NOL10: variants seen among roughly 807,000 people sequenced by gnomAD.
The protein encoded by NOL10 is nucleolar protein 10.
In NOL10, 58 loss-of-function variants were observed where a neutral mutation model predicts 103.5. The observed-to-expected ratio is 0.56, with a 90% CI of 0.45 to 0.70. The LOEUF is 0.70. Among genes scored for constraint, NOL10 ranks in the 30% least tolerant of loss-of-function variants. The pLI is 0.00. For synonymous variants in NOL10, 287 were observed against 282.5 expected, an observed-to-expected ratio of 1.02 and a Z score of -0.16; for missense variants, 763 against 807.3, an observed-to-expected ratio of 0.95 and a Z score of 0.67.
Position 10,689,942 on chromosome 2 carries a change from C to G in NOL10, c.-81G>C, listed in dbSNP as rs554916017. On this transcript the variant is annotated 5_prime_UTR_variant, in exon 1 of 21. Coordinates refer to ENST00000381685, the MANE Select transcript of NOL10 (RefSeq NM_024894.4). ...ACCGTAATCCCGGGACCTCCGAGCC[C>G]CTGCTCCGCGGCGTGCGGCCGCTGG... 2.9e-6 allele frequency: 4 copies of G among 1,369,810 alleles called. No individual in the cohort carries two copies. Among genetic ancestry groups the G allele is most frequent in the Admixed American group, 2.1e-5 (1 of 48,424 alleles). 84.9% of individuals were successfully genotyped at this position (1,369,810 alleles called of 1,614,324 possible). A position where few individuals can be genotyped will look rare whatever the true frequency, so the allele number is the denominator to read the frequency against.
chr2:10,652,830 G>A (rs915220987), intron 12 of NOL10, among the ~76,000 whole-genome samples: 3 of 152,022 alleles, frequency 2.0e-5, no homozygotes, highest in East Asian at 1.9e-4. Flanking sequence ...CGCCAGACAC[G>A]CCCCCCAAGC....
In NOL10 at chr2:10,596,275, G is replaced by A. The variant is rs530083483; in HGVS notation, c.1422+4578C>T. ...TGGTGGTGGGGGGCGGGGGGCGGGC[G>A]CGAGGGAGTTTTGGGATGATTCAAG... On this transcript the variant is annotated intron_variant, in intron 17 of 20. Coordinates refer to ENST00000381685, the MANE Select transcript of NOL10 (RefSeq NM_024894.4). Among the ~76,000 whole-genome samples the A allele has an allele frequency of 1.7e-4, 25 of 146,684 alleles. 1 individual carries two copies. Among genetic ancestry groups the A allele is most frequent in the Admixed American group, 4.1e-4 (6 of 14,534 alleles).
At chr2:10,679,779 C>G (rs58445061) in intron 3 of NOL10, among the ~76,000 whole-genome samples, 34,437 of 151,850 alleles carry the variant, frequency 0.23, 4,120 homozygotes, top group South Asian at 0.47. Context: ...TCCACGCCAC[C>G]ATGCCCAGCT....
intron 19 of NOL10, among the ~76,000 whole-genome samples, chr2:10,581,689 T>C (rs1674763555): frequency 6.6e-6 from 1 of 152,090 alleles, no homozygotes; most frequent in Non-Finnish European, 1.5e-5. Context: ...TAGCCGCATG[T>C]GGTGGCCTGT....
At chr2:10,572,256 G>A (rs931977420) in intron 20 of NOL10, 66 bp from the exon 21 acceptor site, 16 of 1,554,344 alleles carry the variant, frequency 1.0e-5, no homozygotes, top group Middle Eastern at 3.4e-4. Context: ...TCTGGTAACC[G>A]TCAGGCTGCC....
At chr2:10,575,386 C>T (rs977667892) in intron 20 of NOL10, among the ~76,000 whole-genome samples, 1 of 152,068 alleles carries the variant, frequency 6.6e-6, no homozygotes. Flanking sequence ...TGAACAACTG[C>T]CCGAATAAGT....
At chr2:10,642,567 C>A (rs1678770796) in intron 13 of NOL10, among the ~76,000 whole-genome samples, 1 of 152,116 alleles carries the variant, frequency 6.6e-6, no homozygotes, top group Admixed American at 6.6e-5. Context: ...TTCTACCTGC[C>A]CCCACAGGCT....
At chr2:10,625,860 T>C (rs1002865708) in intron 13 of NOL10, among the ~76,000 whole-genome samples, 1 of 151,994 alleles carries the variant, frequency 6.6e-6, no homozygotes, top group African/African-American at 2.4e-5. Context: ...ACAAAATACA[T>C]TTTTTTCATA....
intron 20 of NOL10, 135 bp downstream of exon 20, chr2:10,577,501 T>C (rs891435258): frequency 2.6e-5 from 17 of 654,542 alleles, no homozygotes; most frequent in Non-Finnish European, 4.1e-5. Context: ...GCAAGGAAAA[T>C]GTTAGAACAG....
chr2:10,616,659 C>G (rs1676850837), intron 13 of NOL10, among the ~76,000 whole-genome samples: 1 of 152,098 alleles, frequency 6.6e-6, no homozygotes, highest in African/African-American at 2.4e-5. Flanking sequence ...AGCAATCCTC[C>G]CACCTCAGCC....
intron 13 of NOL10, among the ~76,000 whole-genome samples, chr2:10,609,431 C>CAAAAAAA (rs60104799): frequency 5.4e-5 from 6 of 111,562 alleles, no homozygotes; most frequent in African/African-American, 7.4e-5. Context: ...ACTAAAAATA[C>CAAAAAAA]AAAAAAAAAA....
intron 14 of NOL10, 130 bp downstream of exon 14, chr2:10,607,055 T>C: frequency 1.9e-6 from 1 of 533,728 alleles, no homozygotes; most frequent in Non-Finnish European, 3.1e-6. Flanking sequence ...ATGTTTAATA[T>C]CTGATTTGGC....
chr2:10,668,850 G>GT (rs1200983039), intron 6 of NOL10, 127 bp from the exon 7 acceptor site: 3 of 347,884 alleles, frequency 8.6e-6, no homozygotes, highest in Admixed American at 8.7e-5. Flanking sequence ...ATACAAAAAC[G>GT]TATTCTAAAT....
chr2:10,645,106 C>T (rs1421207820), intron 12 of NOL10, among the ~76,000 whole-genome samples: 5 of 152,156 alleles, frequency 3.3e-5, no homozygotes, highest in African/African-American at 4.8e-5. Context: ...TCTTAGTGAA[C>T]ATACAACAAC....
chr2:10,643,194 C>T (rs1434586102), intron 13 of NOL10, among the ~76,000 whole-genome samples: 1 of 152,206 alleles, frequency 6.6e-6, no homozygotes, highest in Non-Finnish European at 1.5e-5. Context: ...TCTCTAAGTG[C>T]TTTCAACAAC....
At chr2:10,654,921 G>A (rs560089741) in intron 11 of NOL10, among the ~76,000 whole-genome samples, 14 of 152,120 alleles carry the variant, frequency 9.2e-5, no homozygotes, top group Middle Eastern at 3.4e-3. Context: ...GAAAGAAATC[G>A]GAAGACAGCT....
chr2:10,596,215 C>G (rs1655128457), intron 17 of NOL10, among the ~76,000 whole-genome samples: 1 of 125,660 alleles, frequency 8.0e-6, no homozygotes, highest in Admixed American at 1.0e-4. Flanking sequence ...TTTTTGGCAC[C>G]AGGGACTAGT....
chr2:10,641,476 C>T (rs1308996343), intron 13 of NOL10, among the ~76,000 whole-genome samples: 1 of 152,108 alleles, frequency 6.6e-6, no homozygotes, highest in Non-Finnish European at 1.5e-5. Flanking sequence ...TTTTTATTTT[C>T]ATGTACTTTG....
chr2:10,657,280 T>G (rs1003657004), intron 11 of NOL10, among the ~76,000 whole-genome samples: 4 of 151,786 alleles, frequency 2.6e-5, no homozygotes, highest in Non-Finnish European at 5.9e-5. Context: ...ATCATGGCAC[T>G]GCACTCCAGC....
Sources: gnomAD v4.1 joint callset for allele counts (sites outside exome capture counted in the v4.1 genomes callset) on GRCh38, gnomAD v4.1.1 for gene constraint, MANE v1.5 for transcripts, NCBI Gene and HGNC (gene_info 2026-07-23, HGNC 2026-07-21) for gene names.